SRCIN1: variants seen among roughly 807,000 people sequenced by gnomAD.
The protein encoded by SRCIN1 is SRC kinase signaling inhibitor 1.
SRCIN1 carries 50 observed loss-of-function variants against 116.2 expected under a neutral mutation model. The observed-to-expected ratio is 0.43, with a 90% CI of 0.34 to 0.54. The LOEUF (loss-of-function observed/expected upper bound fraction) is 0.54, where lower values mean the gene tolerates loss of function less well. Among genes scored for constraint, SRCIN1 ranks in the 20% least tolerant of loss-of-function variants. The pLI, the probability that SRCIN1 is intolerant of heterozygous loss-of-function variation, is 0.02. For synonymous variants in SRCIN1, 736 were observed against 750.0 expected (o/e 0.98, Z 0.30); for missense variants, 1,446 against 1,672.0 (o/e 0.86, Z 2.36).
At chr17:38,546,380 C>T (rs187170974) in intron 17 of SRCIN1, 6 of 152,400 alleles carry the variant, frequency 3.9e-5, no homozygotes, top group Non-Finnish European at 5.9e-5. Flanking sequence ...TAAAGGGAGC[C>T]GTGGGGAGAT....
In SRCIN1 at chr17:38,552,770, C is replaced by T; in HGVS notation, c.2287G>A (p.Ala763Thr). The change falls in exon 12 of 19, where the codon GCA becomes ACA. Residue 763 changes from alanine to threonine, a missense_variant. Ala to Thr is a moderately conservative substitution (Grantham distance 58). Coordinates refer to ENST00000617146, the MANE Select transcript of SRCIN1 (RefSeq NM_025248.3). The surrounding 1 kb of genome is among the most constrained non-coding windows in gnomAD (Gnocchi z 5.3). Reference sequence around the variant, plus strand: ...TCCCCGAGCTGCTTCAGCACCAGTGCCTTCTCCTCCAGCTCAGGGCCGGGC... The same window carrying T: ...TCCCCGAGCTGCTTCAGCACCAGTGTCTTCTCCTCCAGCTCAGGGCCGGGC... Reference protein sequence around the residue: ...LVPGPELEEKALVLKQLGETL... With the variant: ...LVPGPELEEKTLVLKQLGETL... 8.1e-6 allele frequency: 13 copies of T among 1,614,012 alleles called. No homozygotes were observed. Among genetic ancestry groups the T allele is most frequent in the Non-Finnish European group, 1.1e-5 (13 of 1,179,896 alleles).
intron 11 of SRCIN1, among the ~76,000 whole-genome samples, chr17:38,553,120 G>A (rs943321311): frequency 2.6e-5 from 4 of 152,176 alleles, no homozygotes; most frequent in Non-Finnish European, 4.4e-5. Context: ...GCTGGATGTA[G>A]TGGCAGGTGC....
At chr17:38,548,041 C>A (rs1014499067) in intron 17 of SRCIN1, among the ~76,000 whole-genome samples, 1 of 152,192 alleles carries the variant, frequency 6.6e-6, no homozygotes, top group Non-Finnish European at 1.5e-5. Flanking sequence ...GCCCTCTCTG[C>A]CCTCATCTGG....
intron 2 of SRCIN1, among the ~76,000 whole-genome samples, chr17:38,576,603 C>T (rs1050216541): frequency 1.3e-5 from 2 of 152,094 alleles, no homozygotes; most frequent in Non-Finnish European, 2.9e-5. Context: ...CTGAGTGGTG[C>T]ATATGGTGCC....
At chr17:38,578,353 C>G in intron 2 of SRCIN1, 137 bp downstream of exon 2, 1 of 1,157,370 alleles carries the variant, frequency 8.6e-7, no homozygotes, top group Non-Finnish European at 1.2e-6. Context: ...CTCCCCAACT[C>G]CTCCCCTTCT....
chr17:38,540,204 C>T (rs1467841626), intron 18 of SRCIN1, among the ~76,000 whole-genome samples: 1 of 152,126 alleles, frequency 6.6e-6, no homozygotes, highest in Non-Finnish European at 1.5e-5. Context: ...TTAAGCACAA[C>T]ATTCACGGGC....
intron 2 of SRCIN1, among the ~76,000 whole-genome samples, chr17:38,575,161 GT>G (rs1567874357): frequency 6.6e-6 from 1 of 152,222 alleles, no homozygotes; most frequent in African/African-American, 2.4e-5. Context: ...GCCCTGCTCT[GT>G]TTCTGGATGT....
chr17:38,606,739 C>G (rs937961451), upstream of SRCIN1, among the ~76,000 whole-genome samples: 1 of 152,196 alleles, frequency 6.6e-6, no homozygotes, highest in African/African-American at 2.4e-5. The surrounding 1 kb of genome is among the most constrained non-coding windows in gnomAD (Gnocchi z 5.2). Context: ...CGCCCCTCCG[C>G]GTCCCACCTT....
rs2143276882 is a variant in SRCIN1, at chr17:38,572,434, T to C, written c.325-4203A>G. ...CGGGAAGGTCATGACTTTCCGACGC[T>C]GGGGGAGGGGGCGCCAGCCTGATTT... On this transcript the variant is annotated intron_variant, in intron 2 of 18. Coordinates refer to ENST00000617146, the MANE Select transcript of SRCIN1 (RefSeq NM_025248.3). The surrounding 1 kb of genome is among the most constrained non-coding windows in gnomAD (Gnocchi z 4.3). 6.6e-6 allele frequency among the ~76,000 whole-genome samples: 1 copy of C among 151,344 alleles called. No homozygotes were observed. Among genetic ancestry groups the C allele is most frequent in the East Asian group, 2.0e-4 (1 of 5,106 alleles).
rs1906322880 is a variant in SRCIN1 at position 38,562,274 on chromosome 17, G to C, written c.889C>G (p.Leu297Val). ...ESSPTRRLNN[L>V]SPAPHLASGS... Reference sequence around the variant, plus strand: ...GATGCCAGGTGCGGCGCTGGTGACAGGTTGTTGAGGCGCCGCGTGGGCGAG... The same window carrying C: ...GATGCCAGGTGCGGCGCTGGTGACACGTTGTTGAGGCGCCGCGTGGGCGAG... The change falls in exon 7 of 19, where the codon CTG becomes GTG. Residue 297 changes from leucine (L) to valine (V), a missense_variant. By Grantham distance (32) the Leu-to-Val change is conservative. Around this residue, in one of 5 missense-constraint regions of SRCIN1, gnomAD observed 239 missense variants for 317.7 expected, o/e 0.75. Coordinates refer to ENST00000617146, the MANE Select transcript of SRCIN1 (RefSeq NM_025248.3). The surrounding 1 kb of genome is among the most constrained non-coding windows in gnomAD (Gnocchi z 4.2). 1.4e-6 allele frequency: 2 copies of C among 1,478,334 alleles called. No homozygotes were observed. The highest frequency in any genetic ancestry group is 2.5e-5 in the Admixed American group (1 of 40,788). The allele number at this position is 1,478,334 out of a possible 1,614,324, so 91.6% of individuals were successfully genotyped here.
chr17:38,548,497 C>G (rs1905195151), intron 17 of SRCIN1, 60 bp downstream of exon 17: 1 of 1,591,994 alleles, frequency 6.3e-7, no homozygotes, highest in Non-Finnish European at 8.5e-7. Flanking sequence ...GCCTGGGGGG[C>G]AGCCTGGGAG....
rs965265697 is a variant in SRCIN1 at position 38,578,701 on chromosome 17, C to T, written c.113G>A (p.Gly38Asp). 2 of 1,535,266 alleles carry T rather than the reference C, an allele frequency of 1.3e-6. No individual in the cohort carries two copies. Among genetic ancestry groups the T allele is most frequent in the African/African-American group, 2.7e-5 (2 of 72,750 alleles). Residue 38 changes from glycine to aspartate, a missense_variant, in exon 2 of 19, where the codon GGC (glycine) becomes GAC (aspartate). Coordinates refer to ENST00000617146, the MANE Select transcript of SRCIN1 (RefSeq NM_025248.3). ...GTTGGAGAAGCGCCGGCCCCCGCTGCCCCCGCCGCCCCCGCCCCCCAGGGT... is the reference window on the plus strand; with the variant it reads ...GTTGGAGAAGCGCCGGCCCCCGCTGTCCCCGCCGCCCCCGCCCCCCAGGGT... Reference protein sequence around the residue: ...YRTLGGGGGGGSGGRRFSNVG... With the variant: ...YRTLGGGGGGDSGGRRFSNVG...
chr17:38,571,493 C>CA (rs1907074228), intron 2 of SRCIN1, among the ~76,000 whole-genome samples: 1 of 152,190 alleles, frequency 6.6e-6, no homozygotes, highest in African/African-American at 2.4e-5. Context: ...AGAAACCCCC[C>CA]AGTTAGGAGG....
At chr17:38,605,052 G>C (rs1909284194) in intron 1 of SRCIN1, among the ~76,000 whole-genome samples, 1 of 151,988 alleles carries the variant, frequency 6.6e-6, no homozygotes, top group Non-Finnish European at 1.5e-5. Context: ...TCCAGGGCTA[G>C]GGCCTCGAGG....
chr17:38,560,054 G>T lies in SRCIN1; in HGVS notation c.1837C>A (p.Pro613Thr), dbSNP rs1219450413. Residue 613 changes from proline (P) to threonine (T), a missense_variant and splice_region_variant, in exon 9 of 19, where the codon CCC (proline) becomes ACC (threonine). Pro to Thr is a conservative substitution (Grantham distance 38). Transcript: ENST00000617146. ...ATGGGGGAGGGGGAGGTTCACTCAC[G>T]TGCTGAGGGGGTGGCTGCTCCATTG... is the stretch of plus-strand genomic sequence containing the variant. The part of the protein sequence containing the change: ...GSNGAATPSA[P>T]CGSGGRSSGA... 1.9e-6 allele frequency: 3 copies of T among 1,557,750 alleles called. No homozygotes were observed. The South Asian group carries it at 3.6e-5, about 18-fold the overall frequency.
rs888210007 is a variant in SRCIN1, at chr17:38,563,106, G to A, written c.741-186C>T. On this transcript the variant is annotated intron_variant, in intron 5 of 18. Transcript: ENST00000617146. The surrounding 1 kb of genome is among the most constrained non-coding windows in gnomAD (Gnocchi z 5.8). ...TTCCTGGCCTCCGGCGCCATTTTCA[G>A]GTTAGCTCAAAGCAAAGGGAACCAG... Among the ~76,000 whole-genome samples, 21 of 152,220 alleles carry A rather than the reference G, an allele frequency of 1.4e-4. No homozygotes were observed. Among genetic ancestry groups the A allele is most frequent in the African/African-American group, 4.6e-4 (19 of 41,440 alleles).
intron 1 of SRCIN1, among the ~76,000 whole-genome samples, chr17:38,594,863 T>G (rs368996298): frequency 1.3e-5 from 2 of 151,992 alleles, no homozygotes; most frequent in African/African-American, 4.8e-5. Context: ...CCATACACCC[T>G]CCTCCAGCCG....
rs183365817 is a variant in SRCIN1, at chr17:38,550,776, G to T, written c.2962+379C>A. On this transcript the variant is annotated intron_variant, in intron 15 of 18. Coordinates refer to ENST00000617146, the MANE Select transcript of SRCIN1 (RefSeq NM_025248.3). ...CTGGATTTCTGCCACTCCCGGGACC[G>T]TGACTCAGGCTGGGGACCATGGGAA... Among the ~76,000 whole-genome samples, 12 of 152,324 alleles carry T rather than the reference G, an allele frequency of 7.9e-5. No individual in the cohort carries two copies. The South Asian group carries it at 2.5e-3, about 32-fold the overall frequency.
chr17:38,569,548 G>A (rs1906944287), intron 2 of SRCIN1, among the ~76,000 whole-genome samples: 1 of 152,136 alleles, frequency 6.6e-6, no homozygotes, highest in African/African-American at 2.4e-5. Context: ...ACCTAAGGCA[G>A]ACCTTTGGGG....
Sources: allele counts gnomAD v4.1 joint callset (sites outside exome capture counted in the v4.1 genomes callset), GRCh38; gene constraint gnomAD v4.1.1; regional missense constraint gnomAD v4.1.1; non-coding constraint Gnocchi (gnomAD v3.1); transcripts MANE v1.5; gene names NCBI Gene and HGNC (gene_info 2026-07-23, HGNC 2026-07-21).